Variants in TRIT1 observed in about 807,000 individuals in gnomAD.
TRIT1 encodes the protein tRNA isopentenyltransferase 1.
A neutral mutation model predicts 51.2 loss-of-function variants in TRIT1; 43 were observed. The ratio of observed to expected loss-of-function variants is 0.84; its 90% CI spans 0.66 to 1.08. TRIT1 has a LOEUF of 1.08. Ranked by LOEUF, TRIT1 falls within the 50% of genes least tolerant of loss-of-function variation. The pLI is 0.00. For synonymous variants in TRIT1, 184 were observed against 203.9 expected, an observed-to-expected ratio of 0.90 and a Z score of 0.83; for missense variants, 528 against 578.4, an observed-to-expected ratio of 0.91 and a Z score of 0.89.
intron 1 of TRIT1, among the ~76,000 whole-genome samples, chr1:39,861,848 T>C (rs539358852): frequency 5.4e-5 from 8 of 148,906 alleles, no homozygotes; most frequent in Admixed American, 4.1e-4. Context: ...TGCTTGAACC[T>C]AGGAGGCAGA....
chr1:39,865,456 C>A (rs1643481738), intron 1 of TRIT1, among the ~76,000 whole-genome samples: 1 of 152,188 alleles, frequency 6.6e-6, no homozygotes, highest in Admixed American at 6.5e-5. Flanking sequence ...ATCTAGTTCT[C>A]TTTTTGTGGT....
intron 1 of TRIT1, among the ~76,000 whole-genome samples, chr1:39,879,045 G>A (rs1394396658): frequency 1.3e-5 from 2 of 152,094 alleles, no homozygotes; most frequent in African/African-American, 2.4e-5. Flanking sequence ...CGAGGCTGGC[G>A]GATCCCGAGG....
chr1:39,877,105 C>T (rs1644094883), intron 1 of TRIT1, among the ~76,000 whole-genome samples: 1 of 150,546 alleles, frequency 6.6e-6, no homozygotes, highest in African/African-American at 2.4e-5. Context: ...CATCCCATCT[C>T]TCCTTTCATA....
chr1:39,883,463 A>C lies in TRIT1; in HGVS notation c.29T>G (p.Val10Gly). MASVAAARAVPVGSGLRGLQ... is the reference protein window; with the variant it reads MASVAAARAGPVGSGLRGLQ... ...GCCCCTGAGCCCACTGCCCACGGGA[A>C]CTGCTCGTGCAGCCGCCACGGACGC... Residue 10 changes from valine (V) to glycine (G), a missense_variant, in exon 1 of 11, where the codon GTT becomes GGT. Val to Gly is a moderately radical substitution (Grantham distance 109). This residue lies in a region of TRIT1 where 55 missense variants were observed against 37.0 expected (regional missense o/e 1.49). Transcript: ENST00000316891. 2 of 1,598,768 alleles carry C rather than the reference A, an allele frequency of 1.3e-6. No individual in the cohort carries two copies. Among genetic ancestry groups the C allele is most frequent in the Non-Finnish European group, 1.7e-6 (2 of 1,167,904 alleles).
intron 1 of TRIT1, among the ~76,000 whole-genome samples, chr1:39,873,034 T>C (rs1007162860): frequency 6.6e-6 from 1 of 152,218 alleles, no homozygotes; most frequent in East Asian, 1.9e-4. Flanking sequence ...TTAACATATG[T>C]CCGCAAATTA....
At chr1:39,861,409 CA>C (rs1331245025) in intron 1 of TRIT1, among the ~76,000 whole-genome samples, 1 of 152,080 alleles carries the variant, frequency 6.6e-6, no homozygotes, top group Non-Finnish European at 1.5e-5. Flanking sequence ...GGCAGTTCCT[CA>C]AAAAATAAAA....
chr1:39,855,522 T>C (rs12125901), intron 2 of TRIT1, among the ~76,000 whole-genome samples: 11,863 of 152,266 alleles, frequency 0.078, 612 homozygotes, highest in South Asian at 0.12. Context: ...TACTTACTGG[T>C]TGAGCATCCC....
intron 1 of TRIT1, among the ~76,000 whole-genome samples, chr1:39,879,909 G>A (rs1440226078): frequency 6.8e-6 from 1 of 147,254 alleles, no homozygotes; most frequent in African/African-American, 2.5e-5. Context: ...AGGCATGGTG[G>A]CTCACACCTG....
rs751166813 is a variant in TRIT1, at chr1:39,847,549, T to C, written c.927A>G (p.Lys309=). 2 of 1,614,088 alleles carry C rather than the reference T, an allele frequency of 1.2e-6. No homozygotes were observed. Among genetic ancestry groups the C allele is most frequent in the South Asian group, 2.2e-5 (2 of 91,086 alleles). ...TLETSNQLLK[K]GIEALKQVTK... Reference sequence around the variant, plus strand: ...TAGATTAGATGGAAGAATTCACACCTTTCTTTAGAAGCTGGTTACTAGTCT... The same window carrying C: ...TAGATTAGATGGAAGAATTCACACCCTTCTTTAGAAGCTGGTTACTAGTCT... Residue 309 remains lysine, a splice_region_variant and synonymous_variant, in exon 7 of 11, where the codon AAA becomes AAG. Coordinates refer to ENST00000316891, the MANE Select transcript of TRIT1 (RefSeq NM_017646.6).
intron 1 of TRIT1, among the ~76,000 whole-genome samples, chr1:39,881,227 CAAAAAAAAAAA>C (rs56205358): frequency 1.2e-5 from 1 of 80,162 alleles, no homozygotes; most frequent in Admixed American, 1.2e-4. Context: ...ACTCTGTCTC[CAAAAAAAAAAA>C]AAAAAAAGAA....
At chr1:39,867,736 G>A (rs776579506) in intron 1 of TRIT1, among the ~76,000 whole-genome samples, 1 of 152,120 alleles carries the variant, frequency 6.6e-6, no homozygotes, top group African/African-American at 2.4e-5. Flanking sequence ...AGGCTCCCCT[G>A]GCCATATAAC....
At chr1:39,869,938 G>A (rs1434764534) in intron 1 of TRIT1, among the ~76,000 whole-genome samples, 1 of 151,820 alleles carries the variant, frequency 6.6e-6, no homozygotes, top group East Asian at 2.0e-4. Flanking sequence ...GAGGCGGGGG[G>A]CGCCTCTGCC....
In TRIT1 at chr1:39,840,738, A is replaced by G. The variant is rs1264831337; in HGVS notation, c.*1006T>C. Among the ~76,000 whole-genome samples, 2 of 152,248 alleles carry G rather than the reference A, an allele frequency of 1.3e-5. No homozygotes were observed. The highest frequency in any genetic ancestry group is 1.5e-5 in the Non-Finnish European group (1 of 68,042). On this transcript the variant is annotated 3_prime_UTR_variant, in exon 11 of 11. Coordinates refer to ENST00000316891, the MANE Select transcript of TRIT1 (RefSeq NM_017646.6). ...TTGCACAACATTGTGAATGTAGTTA[A>G]TGCTGCTGAATTATACCCTAAAAAT...
At chr1:39,882,872 G>A (rs1644306588) in intron 1 of TRIT1, among the ~76,000 whole-genome samples, 1 of 152,158 alleles carries the variant, frequency 6.6e-6, no homozygotes, top group Admixed American at 6.5e-5. Flanking sequence ...TCCCCCAGCA[G>A]ACACCATAGG....
intron 1 of TRIT1, among the ~76,000 whole-genome samples, chr1:39,871,045 T>C (rs1455666203): frequency 6.6e-6 from 1 of 151,990 alleles, no homozygotes; most frequent in African/African-American, 2.4e-5. Context: ...AATACAAAAT[T>C]AGCTGGGCGT....
intron 1 of TRIT1, among the ~76,000 whole-genome samples, chr1:39,869,977 C>G (rs1050391841): frequency 6.6e-6 from 1 of 151,572 alleles, no homozygotes; most frequent in African/African-American, 2.4e-5. Flanking sequence ...GGTGGGGGGC[C>G]CCTCTCTCCG....
chr1:39,843,435 TGTG>T (rs1478100271), intron 10 of TRIT1, among the ~76,000 whole-genome samples: 1 of 152,170 alleles, frequency 6.6e-6, no homozygotes, highest in East Asian at 1.9e-4. Flanking sequence ...GTGTGTGCAG[TGTG>T]ACTCTGTGGC....
intron 1 of TRIT1, among the ~76,000 whole-genome samples, chr1:39,878,390 G>A (rs1354616294): frequency 1.3e-5 from 2 of 152,202 alleles, no homozygotes; most frequent in East Asian, 1.9e-4. Context: ...GATAGGAACT[G>A]CCCTGTAGGT....
intron 1 of TRIT1, among the ~76,000 whole-genome samples, chr1:39,871,883 T>C (rs1026135616): frequency 7.9e-5 from 12 of 152,114 alleles, no homozygotes; most frequent in Non-Finnish European, 1.3e-4. Context: ...GAGTACACTT[T>C]ACTATATGTA....
Sources: gnomAD v4.1 joint callset for allele counts (sites outside exome capture counted in the v4.1 genomes callset) on GRCh38, gnomAD v4.1.1 for gene constraint, gnomAD v4.1.1 regional missense constraint, MANE v1.5 for transcripts, NCBI Gene and HGNC (gene_info 2026-07-23, HGNC 2026-07-21) for gene names.